The following POU2F2 variants were observed in gnomAD, a reference collection of about 807,000 sequenced individuals.
POU2F2 encodes POU class 2 homeobox 2.
POU2F2 carries 14 observed loss-of-function variants against 63.5 expected under a neutral mutation model. That is an observed-to-expected ratio of 0.22 (90% CI 0.15 to 0.34). The LOEUF is 0.34. Among genes scored for constraint, POU2F2 ranks in the 10% least tolerant of loss-of-function variants. POU2F2 has a pLI of 1.00. For missense variants in POU2F2, 607 were observed against 815.2 expected (o/e 0.74, Z 3.11); for synonymous variants, 306 against 348.6 (o/e 0.88, Z 1.36).
chr19:42,163,014 A>C (rs1345922633), intron 1 of POU2F2, among the ~76,000 whole-genome samples: 1 of 152,148 alleles, frequency 6.6e-6, no homozygotes, highest in Non-Finnish European at 1.5e-5. Context: ...ACTGCTGTGG[A>C]AAATGGAGGC....
rs992491506 is a variant in POU2F2 at position 42,152,146 on chromosome 19, G to A, written c.-9+8186C>T. On this transcript the variant is annotated intron_variant, in intron 2 of 6. Coordinates refer to the POU2F2 transcript ENST00000524801. This position sits in a 1 kb window ranked among gnomAD's most constrained non-coding sequence, Gnocchi z 4.1. ...ACCCAGCCTGACTGTGGGGCGCAAC[G>A]GGTAGCTGAGGCAATGAACAGCTGT... 1.3e-5 allele frequency among the ~76,000 whole-genome samples: 2 copies of A among 152,156 alleles called. No homozygotes were observed. Among genetic ancestry groups the A allele is most frequent in the East Asian group, 1.9e-4 (1 of 5,182 alleles).
intron 2 of POU2F2, among the ~76,000 whole-genome samples, chr19:42,148,104 C>T (rs1352067836): frequency 2.0e-5 from 3 of 151,928 alleles, no homozygotes; most frequent in African/African-American, 7.3e-5. Flanking sequence ...AAGCCCTCAC[C>T]TCTTTCCAGG....
At chr19:42,174,204 C>T (rs372844409) in intron 1 of POU2F2, among the ~76,000 whole-genome samples, 5 of 152,290 alleles carry the variant, frequency 3.3e-5, no homozygotes, top group Admixed American at 2.0e-4. Flanking sequence ...ACCCAGGACA[C>T]GCAGAGACCC....
chr19:42,095,730 C>T lies in POU2F2; in HGVS notation c.872-37G>A. 1.2e-6 allele frequency: 2 copies of T among 1,612,382 alleles called. No homozygotes were observed. The highest frequency in any genetic ancestry group is 8.5e-7 in the Non-Finnish European group (1 of 1,179,830). On this transcript the variant is annotated intron_variant, in intron 9 of 14. Coordinates refer to ENST00000692977, the MANE Select transcript of POU2F2 (RefSeq NM_001394376.1). This position sits in a 1 kb window ranked among gnomAD's most constrained non-coding sequence, Gnocchi z 7.1. ...GGGAGACGTGAGCATGAGAAGGGGC[C>T]TCCCGCGGCCAGCGGCCACTGCCCG...
intron 1 of POU2F2, among the ~76,000 whole-genome samples, chr19:42,126,890 G>A (rs1221400444): frequency 6.6e-6 from 1 of 152,090 alleles, no homozygotes; most frequent in African/African-American, 2.4e-5. Context: ...TCTCACCCTT[G>A]TCTTACTGTC....
intron 2 of POU2F2, among the ~76,000 whole-genome samples, chr19:42,158,684 G>A (rs922556905): frequency 2.0e-5 from 3 of 152,200 alleles, no homozygotes; most frequent in African/African-American, 7.2e-5. Context: ...TCACCCACAT[G>A]TCCATGAAAT....
Position 42,091,673 on chromosome 19 carries a change from C to T in POU2F2, c.1541-82G>A, listed in dbSNP as rs143751864. The T allele has an allele frequency of 1.3e-4, 197 of 1,550,444 alleles. No individual in the cohort carries two copies. The East Asian group carries it at 4.3e-3, about 34-fold the overall frequency. On this transcript the variant is annotated intron_variant, in intron 14 of 14. Coordinates refer to ENST00000692977, the MANE Select transcript of POU2F2 (RefSeq NM_001394376.1). Reference sequence around the variant, plus strand: ...GCCTTCCAGCATCCTGCCCAGAGTGCCCCCCATCTCCCCATCGGTCCCACT... The same window carrying T: ...GCCTTCCAGCATCCTGCCCAGAGTGTCCCCCATCTCCCCATCGGTCCCACT...
At chr19:42,103,578 T>A (rs950344461) in intron 5 of POU2F2, among the ~76,000 whole-genome samples, 2 of 151,540 alleles carry the variant, frequency 1.3e-5, no homozygotes, top group African/African-American at 4.9e-5. Flanking sequence ...TGCCAGGAAG[T>A]GAACAAACTG....
Position 42,093,878 on chromosome 19 carries a change from G to A in POU2F2, c.1215C>T (p.Gly405=), listed in dbSNP as rs781514491. The change falls in exon 12 of 15, where the codon GGC becomes GGT. Residue 405 remains glycine, a synonymous_variant. Transcript: ENST00000692977. ...YSPHMVTPQG[G]AGTLPLSQAS... ...CTTGGGACAACGGTAAGGTCCCCGC[G>A]CCCCCTTGGGGTGTGACCTGAGGAG... 25 of 1,611,640 alleles carry A rather than the reference G, an allele frequency of 1.6e-5. No individual in the cohort carries two copies. In the South Asian group the frequency reaches 2.2e-4, roughly 14 times the overall value.
At chr19:42,119,926 A>AT (rs60722389) in intron 4 of POU2F2, among the ~76,000 whole-genome samples, 1,645 of 149,786 alleles carry the variant, frequency 0.011, 21 homozygotes, top group African/African-American at 0.032. Flanking sequence ...TTTTATTTTA[A>AT]TTTTTTTTTT....
intron 1 of POU2F2, among the ~76,000 whole-genome samples, chr19:42,165,182 C>T (rs2034626727): frequency 6.6e-6 from 1 of 152,216 alleles, no homozygotes; most frequent in Non-Finnish European, 1.5e-5. Flanking sequence ...CCCAGCCAGG[C>T]TTGTCTTATG....
At position 42,087,530 on chromosome 19, in the gene POU2F2, C is replaced by G. The variant is rs1366749227; in HGVS notation, c.*3727G>C. On this transcript the variant is annotated 3_prime_UTR_variant, in exon 15 of 15. Transcript: ENST00000692977. ...TGGGTTCCCCATCCCTACCCACCCC[C>G]ACACACACACCCACCCCACCCCCCA... The G allele has an allele frequency of 6.7e-6, 1 of 150,282 alleles. No homozygotes were observed. The highest frequency in any genetic ancestry group is 2.1e-4 in the South Asian group (1 of 4,748). 9.3% of individuals were successfully genotyped at this position (150,282 alleles called of 1,614,324 possible).
chr19:42,106,679 A>T (rs2030072807), intron 5 of POU2F2, among the ~76,000 whole-genome samples: 1 of 151,636 alleles, frequency 6.6e-6, no homozygotes, highest in African/African-American at 2.4e-5. Context: ...GGGAGGCTAG[A>T]TGTGAGAATC....
Position 42,089,856 on chromosome 19 carries a change from G to T in POU2F2, c.*1401C>A, listed in dbSNP as rs912677300. ...TAGCAGGAGGGCAGGGTGGCTCCCA[G>T]TGGTGTCTCTCCTCTGTCCGTCGTC... On this transcript the variant is annotated 3_prime_UTR_variant, in exon 15 of 15. Coordinates refer to ENST00000692977, the MANE Select transcript of POU2F2 (RefSeq NM_001394376.1). 2 of 152,150 alleles carry T rather than the reference G, an allele frequency of 1.3e-5. No individual in the cohort carries two copies. The highest frequency in any genetic ancestry group is 4.1e-4 in the South Asian group (2 of 4,820). The allele number at this position is 152,150 out of a possible 1,614,324, so 9.4% of individuals were successfully genotyped here. A position where few individuals can be genotyped will look rare whatever the true frequency, so the allele number is the denominator to read the frequency against.
intron 1 of POU2F2, among the ~76,000 whole-genome samples, chr19:42,193,150 G>A (rs1391574913): frequency 2.0e-5 from 3 of 150,238 alleles, no homozygotes; most frequent in Non-Finnish European, 3.0e-5. Context: ...GGCGGGAGGC[G>A]GAGCTTGCAG....
chr19:42,111,485 A>G (rs762786814), intron 5 of POU2F2, among the ~76,000 whole-genome samples: 7 of 152,150 alleles, frequency 4.6e-5, no homozygotes, highest in Non-Finnish European at 7.3e-5. Flanking sequence ...TTCAGCCTCA[A>G]ATATGCATCT....
In POU2F2 at chr19:42,096,938, A is replaced by T. The variant is rs1476661902; in HGVS notation, c.568-695T>A. Among the ~76,000 whole-genome samples, 1 of 152,176 alleles carries T rather than the reference A, an allele frequency of 6.6e-6. No individual in the cohort carries two copies. The highest frequency in any genetic ancestry group is 1.5e-5 in the Non-Finnish European group (1 of 68,038). On this transcript the variant is annotated intron_variant, in intron 7 of 14. Coordinates refer to ENST00000692977, the MANE Select transcript of POU2F2 (RefSeq NM_001394376.1). This position sits in a 1 kb window ranked among gnomAD's most constrained non-coding sequence, Gnocchi z 4.1. ...TATCTTCCACTCAGTTTTGCTGTGAATCTAAAACAGCTCTTAAGAAATTAA... is the reference window on the plus strand; with the variant it reads ...TATCTTCCACTCAGTTTTGCTGTGATTCTAAAACAGCTCTTAAGAAATTAA...
In POU2F2 at chr19:42,122,551, C is replaced by T; in HGVS notation, c.54G>A (p.Glu18=). The T allele has an allele frequency of 6.2e-7, 1 of 1,602,600 alleles. No individual in the cohort carries two copies. Among genetic ancestry groups the T allele is most frequent in the Non-Finnish European group, 8.5e-7 (1 of 1,174,584 alleles). The part of the protein sequence containing the change: ...APEIRMSKPL[E]AEKQGLDSPS... ...GGGAGTCCAGACCTTGCTTCTCGGC[C>T]TCCAGGGGCTTAGACATTCTTATTT... The change falls in exon 2 of 15, where the codon GAG becomes GAA. Residue 18 remains glutamate (E), a synonymous_variant. Coordinates refer to ENST00000692977, the MANE Select transcript of POU2F2 (RefSeq NM_001394376.1).
chr19:42,137,027 A>T (rs558632776), upstream of POU2F2: 112 of 152,350 alleles, frequency 7.4e-4, no homozygotes, highest in African/African-American at 2.7e-3. Flanking sequence ...TCTGAGAGGA[A>T]GACTGGAGTG....
Sources: allele counts gnomAD v4.1 joint callset (sites outside exome capture counted in the v4.1 genomes callset), GRCh38; gene constraint gnomAD v4.1.1; non-coding constraint Gnocchi (gnomAD v3.1); transcripts MANE v1.5; gene names NCBI Gene and HGNC (gene_info 2026-07-23, HGNC 2026-07-21).